KIF26B: variants seen among roughly 807,000 people sequenced by gnomAD.
The protein encoded by KIF26B is kinesin family member 26B, also known as kinesin-like protein KIF26B.
KIF26B carries 63 observed loss-of-function variants against 151.2 expected under a neutral mutation model. That is an observed-to-expected ratio of 0.42 (90% confidence interval 0.34 to 0.51). The LOEUF (loss-of-function observed/expected upper bound fraction) is 0.51, where lower values mean the gene tolerates loss of function less well. Ranked by LOEUF, KIF26B falls within the 20% of genes least tolerant of loss-of-function variation. The probability of loss-of-function intolerance (pLI) is 0.07; values close to 1 mark genes in which losing one functional copy is unlikely to be tolerated. For synonymous variants in KIF26B, 1,357 were observed against 1,262.1 expected (o/e 1.08, Z -1.59); for missense variants, 2,813 against 2,913.6 (o/e 0.97, Z 0.79).
At chr1:245,676,088 A>G (rs1251090032) in intron 10 of KIF26B, 1 of 152,170 alleles carries the variant, frequency 6.6e-6, no homozygotes, top group Admixed American at 6.5e-5. Flanking sequence ...TTTCAAGTCT[A>G]ATACTCTGTG....
intron 2 of KIF26B, among the ~76,000 whole-genome samples, chr1:245,177,478 C>T (rs1373894491): frequency 6.6e-6 from 1 of 152,144 alleles, no homozygotes; most frequent in Non-Finnish European, 1.5e-5. Flanking sequence ...GGTGGCAGTG[C>T]ACACGGCTCA....
chr1:245,576,648 A>G (rs2043121514), intron 5 of KIF26B, among the ~76,000 whole-genome samples: 1 of 152,056 alleles, frequency 6.6e-6, no homozygotes, highest in Non-Finnish European at 1.5e-5. Flanking sequence ...CATGACATTG[A>G]TTATATAGCT....
chr1:245,625,507 T>C (rs1352874593), intron 9 of KIF26B, among the ~76,000 whole-genome samples: 2 of 152,192 alleles, frequency 1.3e-5, no homozygotes, highest in Admixed American at 6.6e-5. Flanking sequence ...TTCTTTTATA[T>C]TGATATATAA....
chr1:245,190,739 C>G (rs968945019), intron 2 of KIF26B, among the ~76,000 whole-genome samples: 4 of 148,992 alleles, frequency 2.7e-5, no homozygotes, highest in Non-Finnish European at 5.9e-5. Context: ...TTCCCTTAGG[C>G]TTATGATGCC....
intron 3 of KIF26B, among the ~76,000 whole-genome samples, chr1:245,388,099 C>T (rs574165321): frequency 9.2e-5 from 14 of 152,172 alleles, no homozygotes; most frequent in Admixed American, 8.5e-4. Flanking sequence ...TCAGAAGTGA[C>T]GTGGAAGCTA....
chr1:245,640,390 A>G (rs1425901481), intron 9 of KIF26B, among the ~76,000 whole-genome samples: 1 of 151,192 alleles, frequency 6.6e-6, no homozygotes, highest in East Asian at 1.9e-4. Context: ...CTTCACTGTT[A>G]GTCTATGTGT....
intron 2 of KIF26B, among the ~76,000 whole-genome samples, chr1:245,224,458 T>C (rs1036361566): frequency 2.6e-5 from 4 of 152,250 alleles, no homozygotes; most frequent in African/African-American, 7.2e-5. Context: ...GAAGAGCAAC[T>C]GACCAACTAC....
chr1:245,311,692 G>A (rs1202685891), intron 2 of KIF26B, among the ~76,000 whole-genome samples: 1 of 152,166 alleles, frequency 6.6e-6, no homozygotes, highest in African/African-American at 2.4e-5. Flanking sequence ...CAGCACTTTG[G>A]GAGGCCAAGG....
In KIF26B at chr1:245,590,912, AAG is replaced by A. The variant is rs1463977854; in HGVS notation, c.1351-11663_1351-11662del. Reference sequence around the variant, plus strand: ...GACAGTGAGATCCTGTCTCAAAAAAAAGAAAAAAAAAAAAAAAAATTGGATGA... The same window carrying A: ...GACAGTGAGATCCTGTCTCAAAAAAAAAAAAAAAAAAAAAAAATTGGATGA... On this transcript the variant is annotated intron_variant, in intron 5 of 14. Coordinates refer to ENST00000407071, the MANE Select transcript of KIF26B (RefSeq NM_018012.4). Among the ~76,000 whole-genome samples, 819 of 136,370 alleles carry A rather than the reference AAG, an allele frequency of 6.0e-3. 24 individuals carry two copies. Among genetic ancestry groups the A allele is most frequent in the African/African-American group, 0.014 (506 of 35,472 alleles). 89.5% of individuals were successfully genotyped at this position (136,370 alleles called of 152,430 possible).
chr1:245,685,341 C>A, intron 11 of KIF26B, 64 bp from the exon 12 acceptor site: 2 of 1,376,620 alleles, frequency 1.5e-6, no homozygotes, highest in Non-Finnish European at 2.0e-6. Flanking sequence ...TTGCCGCGCA[C>A]AGCTGGGCTC....
intron 4 of KIF26B, among the ~76,000 whole-genome samples, chr1:245,503,060 A>T (rs1278544944): frequency 6.6e-6 from 1 of 151,908 alleles, no homozygotes; most frequent in African/African-American, 2.4e-5. Context: ...GGGTTTCTCC[A>T]TGTTGGTCAG....
rs1244581645 is a variant in KIF26B at position 245,318,447 on chromosome 1, T to G, written c.466-48387T>G. ...TGCCTCCATTTTTCCTCTGAGGGGC[T>G]TCTTTGCCCTGAGGAATATACAAGT... On this transcript the variant is annotated intron_variant, in intron 2 of 14. Coordinates refer to ENST00000407071, the MANE Select transcript of KIF26B (RefSeq NM_018012.4). The surrounding 1 kb of genome is among the most constrained non-coding windows in gnomAD (Gnocchi z 4.0). 6.6e-6 allele frequency among the ~76,000 whole-genome samples: 1 copy of G among 152,212 alleles called. No individual in the cohort carries two copies. Among genetic ancestry groups the G allele is most frequent in the East Asian group, 1.9e-4 (1 of 5,190 alleles).
chr1:245,368,034 G>A (rs1031470902), intron 3 of KIF26B, among the ~76,000 whole-genome samples: 1 of 152,186 alleles, frequency 6.6e-6, no homozygotes, highest in East Asian at 1.9e-4. Context: ...GGACATTGCT[G>A]AGAATAAAAT....
intron 12 of KIF26B, among the ~76,000 whole-genome samples, chr1:245,689,421 C>T (rs992430305): frequency 6.6e-5 from 10 of 152,172 alleles, no homozygotes; most frequent in African/African-American, 2.4e-4. Flanking sequence ...AGTGGAATGG[C>T]GAGGCCCTTC....
rs578069372 is a variant in KIF26B, at chr1:245,545,397, C to T, written c.1350+4447C>T. ...GATTACAGGCATGAGCCACCATGCC[C>T]AGCCCACAGCAAATATTTATTAAGC... On this transcript the variant is annotated intron_variant, in intron 5 of 14. Coordinates refer to ENST00000407071, the MANE Select transcript of KIF26B (RefSeq NM_018012.4). Among the ~76,000 whole-genome samples, 4 of 152,274 alleles carry T rather than the reference C, an allele frequency of 2.6e-5. No homozygotes were observed. The East Asian group carries it at 7.7e-4, about 29-fold the overall frequency.
chr1:245,640,159 A>ATATATATATATATG (rs1168172493), intron 9 of KIF26B, among the ~76,000 whole-genome samples: 56 of 34,368 alleles, frequency 1.6e-3, no homozygotes, highest in South Asian at 2.3e-3. Context: ...ATATATATAT[A>ATATATATATATATG]TACCCTGCTA....
chr1:245,592,510 G>A lies in KIF26B; in HGVS notation c.1351-10067G>A, dbSNP rs551227565. ...GGGCAACCAAATGGAAGTAAGATAC[G>A]AGAAAAGTCTGTATAAACTGTAAGA... On this transcript the variant is annotated intron_variant, in intron 5 of 14. Coordinates refer to ENST00000407071, the MANE Select transcript of KIF26B (RefSeq NM_018012.4). Among the ~76,000 whole-genome samples, 4 of 152,338 alleles carry A rather than the reference G, an allele frequency of 2.6e-5. No individual in the cohort carries two copies. In the South Asian group the frequency reaches 8.3e-4, roughly 32 times the overall value.
At chr1:245,636,889 T>C (rs2103177147) in intron 9 of KIF26B, among the ~76,000 whole-genome samples, 1 of 152,086 alleles carries the variant, frequency 6.6e-6, no homozygotes, top group South Asian at 2.1e-4. Flanking sequence ...TGTGTATCTA[T>C]CTCACATTTT....
At chr1:245,432,397 C>G (rs1204482943) in intron 4 of KIF26B, among the ~76,000 whole-genome samples, 1 of 152,148 alleles carries the variant, frequency 6.6e-6, no homozygotes, top group Admixed American at 6.5e-5. Context: ...ACCTGGTTGT[C>G]ATTTCAAGAT....
Sources: gnomAD v4.1 joint callset for allele counts (sites outside exome capture counted in the v4.1 genomes callset) on GRCh38, gnomAD v4.1.1 for gene constraint, Gnocchi (gnomAD v3.1) non-coding constraint, MANE v1.5 for transcripts, NCBI Gene and HGNC (gene_info 2026-07-23, HGNC 2026-07-21) for gene names.